CDH8: variants seen among roughly 807,000 people sequenced by gnomAD.
The protein encoded by CDH8 is cadherin-8.
In CDH8, 17 loss-of-function variants were observed where a neutral mutation model predicts 68.1. The observed-to-expected ratio is 0.25, with a 90% CI of 0.17 to 0.37. The LOEUF (loss-of-function observed/expected upper bound fraction) is 0.37, where lower values mean the gene tolerates loss of function less well. CDH8 is among the 10% of genes least tolerant of loss of function. The pLI, the probability that CDH8 is intolerant of heterozygous loss-of-function variation, is 1.00. For synonymous variants in CDH8, 372 were observed against 365.1 expected (o/e 1.02, Z -0.21); for missense variants, 763 against 999.3 (o/e 0.76, Z 3.19).
chr16:61,776,896 C>A (rs1960914861), intron 8 of CDH8, among the ~76,000 whole-genome samples: 1 of 151,980 alleles, frequency 6.6e-6, no homozygotes, highest in Non-Finnish European at 1.5e-5. Flanking sequence ...ACACCAAACC[C>A]CCAGGACACA....
At chr16:61,840,335 T>C (rs1962657318) in intron 4 of CDH8, among the ~76,000 whole-genome samples, 1 of 152,098 alleles carries the variant, frequency 6.6e-6, no homozygotes, top group African/African-American at 2.4e-5. Flanking sequence ...TGACCAACAT[T>C]TACAAAATAA....
In CDH8 at chr16:61,977,784, T is replaced by G. The variant is rs1965463983; in HGVS notation, c.252+43368A>C. Among the ~76,000 whole-genome samples the G allele has an allele frequency of 3.3e-5, 5 of 152,190 alleles. 1 individual carries two copies. The highest frequency in any genetic ancestry group is 3.3e-4 in the Admixed American group (5 of 15,274). ...AATATTGGATAAACGATGTCCAAAC[T>G]GTGCAACCATGGAGAAATTGTATTT... On this transcript the variant is annotated intron_variant, in intron 2 of 11. Coordinates refer to ENST00000577390, the MANE Select transcript of CDH8 (RefSeq NM_001796.5).
chr16:61,826,898 T>G (rs908788292), intron 4 of CDH8, among the ~76,000 whole-genome samples: 1 of 151,892 alleles, frequency 6.6e-6, no homozygotes, highest in Non-Finnish European at 1.5e-5. Context: ...TTGGAAACAT[T>G]TGTAATACTA....
chr16:61,809,932 T>C (rs993329577), intron 7 of CDH8, among the ~76,000 whole-genome samples: 12 of 152,190 alleles, frequency 7.9e-5, no homozygotes, highest in Non-Finnish European at 1.2e-4. Context: ...CCAGTAGTGA[T>C]TATTAGAGCT....
intron 3 of CDH8, among the ~76,000 whole-genome samples, chr16:61,875,616 T>C (rs1963444428): frequency 2.6e-5 from 4 of 152,220 alleles, no homozygotes; most frequent in African/African-American, 7.2e-5. Flanking sequence ...GTAAGATAAT[T>C]ACAAAGTTTC....
At chr16:61,684,930 T>C (rs759798556) in intron 10 of CDH8, among the ~76,000 whole-genome samples, 1 of 152,010 alleles carries the variant, frequency 6.6e-6, no homozygotes, top group Non-Finnish European at 1.5e-5. Flanking sequence ...CCAGTAATTC[T>C]ACTCCTTCTC....
At chr16:61,683,032 T>G (rs115480719) in intron 10 of CDH8, among the ~76,000 whole-genome samples, 1,532 of 152,114 alleles carry the variant, frequency 0.01, 28 homozygotes, top group African/African-American at 0.035. Context: ...ATAAATGAAT[T>G]AAGCTTGGAC....
chr16:61,662,406 G>C (rs912566053), intron 10 of CDH8, among the ~76,000 whole-genome samples: 1 of 151,650 alleles, frequency 6.6e-6, no homozygotes, highest in Middle Eastern at 3.4e-3. Flanking sequence ...AGATACAAGA[G>C]AGAAATTTTT....
At position 61,830,556 on chromosome 16, in the gene CDH8, G is replaced by A. The variant is rs147089052; in HGVS notation, c.668-5377C>T. ...ATGGTGCTACGTTAAATAACATCCC[G>A]TTGCCCAAGACATAAATTGTGTCTA... On this transcript the variant is annotated intron_variant, in intron 4 of 11. Transcript: ENST00000577390. 2.6e-4 allele frequency among the ~76,000 whole-genome samples: 39 copies of A among 151,768 alleles called. No homozygotes were observed. The East Asian group carries it at 4.1e-3, about 16-fold the overall frequency.
intron 11 of CDH8, 138 bp downstream of exon 11, chr16:61,655,332 A>C (rs1231737738): frequency 3.7e-6 from 3 of 815,438 alleles, no homozygotes; most frequent in Non-Finnish European, 5.7e-6. Flanking sequence ...AGAGATCTCA[A>C]AATGTGGAGA....
In CDH8 at chr16:61,654,031, GTCT is replaced by G; in HGVS notation, c.1974_1976del (p.Glu658del). 1 of 1,614,000 alleles carries G rather than the reference GTCT, an allele frequency of 6.2e-7. No homozygotes were observed. The highest frequency in any genetic ancestry group is 8.5e-7 in the Non-Finnish European group (1 of 1,179,948). ...CGTAGCGAATGATGTTTTCTCGAACGTCTTCATCATCTTTGATAATTAATGGTT... is the reference window on the plus strand; with the variant it reads ...CGTAGCGAATGATGTTTTCTCGAACGTCATCATCTTTGATAATTAATGGTT... On this transcript the variant is annotated inframe_deletion, in exon 12 of 12. Transcript: ENST00000577390.
intron 2 of CDH8, among the ~76,000 whole-genome samples, chr16:61,984,058 C>T (rs1965585833): frequency 6.6e-6 from 1 of 152,010 alleles, no homozygotes; most frequent in Non-Finnish European, 1.5e-5. Context: ...GCTGGGACTG[C>T]AGGCGTGAGC....
intron 4 of CDH8, among the ~76,000 whole-genome samples, chr16:61,847,855 G>A (rs939634439): frequency 6.6e-6 from 1 of 150,834 alleles, no homozygotes; most frequent in African/African-American, 2.4e-5. Context: ...CAATCTGTCT[G>A]TCTGTCTATA....
chr16:61,868,512 C>T (rs753769563), intron 3 of CDH8, among the ~76,000 whole-genome samples: 2 of 152,128 alleles, frequency 1.3e-5, no homozygotes, highest in Admixed American at 6.6e-5. Flanking sequence ...ACCTTGTCTT[C>T]TTAGAGTTGA....
At chr16:61,820,314 G>GT (rs545670875) in intron 6 of CDH8, among the ~76,000 whole-genome samples, 1,573 of 90,754 alleles carry the variant, frequency 0.017, 126 homozygotes, top group African/African-American at 0.045. Context: ...TGCCTGTTTG[G>GT]TTTTTTTTTT....
intron 2 of CDH8, among the ~76,000 whole-genome samples, chr16:61,968,306 C>T (rs950495675): frequency 1.3e-5 from 2 of 152,132 alleles, no homozygotes; most frequent in African/African-American, 2.4e-5. Context: ...TTTCATTCAC[C>T]CTCGTCTATT....
intron 3 of CDH8, among the ~76,000 whole-genome samples, chr16:61,859,274 A>G (rs982551388): frequency 3.3e-5 from 5 of 152,236 alleles, no homozygotes; most frequent in African/African-American, 1.2e-4. Flanking sequence ...CTATTTGAGT[A>G]TTACATAAGA....
chr16:61,796,556 T>C (rs559476015), intron 7 of CDH8, among the ~76,000 whole-genome samples: 3 of 152,192 alleles, frequency 2.0e-5, no homozygotes, highest in African/African-American at 4.8e-5. Flanking sequence ...TCTACTGCAA[T>C]AGATATAGTT....
chr16:61,656,246 G>C (rs1240350696), intron 10 of CDH8, among the ~76,000 whole-genome samples: 2 of 152,082 alleles, frequency 1.3e-5, no homozygotes, highest in Non-Finnish European at 2.9e-5. Context: ...CGGACCAACG[G>C]AGTTTTACCG....
Sources: gnomAD v4.1 joint callset for allele counts (sites outside exome capture counted in the v4.1 genomes callset) on GRCh38, gnomAD v4.1.1 for gene constraint, MANE v1.5 for transcripts, NCBI Gene and HGNC (gene_info 2026-07-23, HGNC 2026-07-21) for gene names.